The following DLG2 variants were observed in gnomAD, a reference collection of about 807,000 sequenced individuals.
DLG2 encodes disks large homolog 2.
In DLG2, 45 loss-of-function variants were observed where a neutral mutation model predicts 132.5. That is an observed-to-expected ratio of 0.34 (90% confidence interval 0.27 to 0.44). The LOEUF is 0.44. Ranked by LOEUF, DLG2 falls within the 20% of genes least tolerant of loss-of-function variation. The pLI is 1.00. For synonymous variants in DLG2, 424 were observed against 419.6 expected, an observed-to-expected ratio of 1.01 and a Z score of -0.13; for missense variants, 1,045 against 1,196.9, an observed-to-expected ratio of 0.87 and a Z score of 1.87.
At chr11:84,691,167 G>T (rs1386400272) in intron 6 of DLG2, among the ~76,000 whole-genome samples, 1 of 151,732 alleles carries the variant, frequency 6.6e-6, no homozygotes. Context: ...CCAGTTGAAA[G>T]TAATTTCTGC....
At chr11:85,066,930 G>C (rs2065016497) in intron 6 of DLG2, among the ~76,000 whole-genome samples, 1 of 151,718 alleles carries the variant, frequency 6.6e-6, no homozygotes, top group Non-Finnish European at 1.5e-5. Flanking sequence ...GTCCTAGTTA[G>C]AGCCATCAGG....
intron 7 of DLG2, among the ~76,000 whole-genome samples, chr11:84,454,664 C>T (rs539329395): frequency 1.3e-5 from 2 of 151,384 alleles, no homozygotes; most frequent in Non-Finnish European, 3.0e-5. Flanking sequence ...ATAAAAAGAA[C>T]CATATTATTT....
intron 11 of DLG2, among the ~76,000 whole-genome samples, chr11:84,028,974 A>G (rs2095617458): frequency 6.6e-6 from 1 of 152,140 alleles, no homozygotes; most frequent in Non-Finnish European, 1.5e-5. Flanking sequence ...CTGTTATATA[A>G]TAAGCTCTAA....
At chr11:85,188,081 G>T (rs189937751) in intron 4 of DLG2, among the ~76,000 whole-genome samples, 104 of 152,258 alleles carry the variant, frequency 6.8e-4, no homozygotes, top group Non-Finnish European at 1.3e-3. Flanking sequence ...CAAGCGCAGA[G>T]GAGACATGGG....
chr11:85,174,835 C>A (rs2079108978), intron 4 of DLG2, among the ~76,000 whole-genome samples: 1 of 152,098 alleles, frequency 6.6e-6, no homozygotes. Flanking sequence ...CTATAATAAA[C>A]ACCTCTATGC....
intron 6 of DLG2, among the ~76,000 whole-genome samples, chr11:84,751,064 A>T (rs1048955426): frequency 6.6e-6 from 1 of 152,162 alleles, no homozygotes; most frequent in African/African-American, 2.4e-5. Flanking sequence ...ATATTTAGGA[A>T]AAAGAAGACA....
At chr11:84,720,525 C>T (rs920938878) in intron 6 of DLG2, 41 of 980,536 alleles carry the variant, frequency 4.2e-5, no homozygotes, top group Non-Finnish European at 4.7e-5. Context: ...CGTGGCCATC[C>T]CGGAGCCCCG....
chr11:84,465,489 A>G (rs2099091783), intron 7 of DLG2, among the ~76,000 whole-genome samples: 1 of 151,184 alleles, frequency 6.6e-6, no homozygotes, highest in Non-Finnish European at 1.5e-5. Context: ...CCATAGAGAC[A>G]ATGATAGAGA....
chr11:84,486,687 AATGT>A (rs1241327134), intron 7 of DLG2, among the ~76,000 whole-genome samples: 1 of 152,162 alleles, frequency 6.6e-6, no homozygotes, highest in Admixed American at 6.6e-5. Flanking sequence ...TTCTTGGAGT[AATGT>A]ATGTATCAGC....
chr11:85,208,807 C>G (rs1387735901), intron 4 of DLG2, among the ~76,000 whole-genome samples: 1 of 152,024 alleles, frequency 6.6e-6, no homozygotes, highest in Non-Finnish European at 1.5e-5. Context: ...CAGCACACTC[C>G]CTCCTCAATG....
chr11:84,594,905 T>C (rs2099552687), intron 6 of DLG2, among the ~76,000 whole-genome samples: 1 of 152,188 alleles, frequency 6.6e-6, no homozygotes, highest in African/African-American at 2.4e-5. Flanking sequence ...GCAAACCTCC[T>C]ACCTCAGGAT....
intron 18 of DLG2, among the ~76,000 whole-genome samples, chr11:83,668,222 G>A (rs975000936): frequency 1.9e-4 from 29 of 152,028 alleles, no homozygotes; most frequent in Non-Finnish European, 5.9e-5. Flanking sequence ...GTAGAAACAA[G>A]GTAGAATGGA....
chr11:85,535,507 G>C (rs2075521039), intron 3 of DLG2, among the ~76,000 whole-genome samples: 1 of 152,146 alleles, frequency 6.6e-6, no homozygotes, highest in South Asian at 2.1e-4. Flanking sequence ...TAAATGTGGA[G>C]AAGGTAGAAC....
At chr11:85,336,867 A>C (rs2082170061) in intron 3 of DLG2, among the ~76,000 whole-genome samples, 1 of 152,008 alleles carries the variant, frequency 6.6e-6, no homozygotes, top group African/African-American at 2.4e-5. Flanking sequence ...CCATCAATCC[A>C]TTTTCTCACA....
intron 6 of DLG2, among the ~76,000 whole-genome samples, chr11:84,535,756 C>G (rs1003272102): frequency 6.6e-6 from 1 of 152,120 alleles, no homozygotes; most frequent in South Asian, 2.1e-4. Context: ...AGAAAGGGAA[C>G]CCTCTACATC....
chr11:83,608,381 A>C (rs1349665303), intron 19 of DLG2, among the ~76,000 whole-genome samples: 1 of 151,394 alleles, frequency 6.6e-6, no homozygotes, highest in Non-Finnish European at 1.5e-5. Flanking sequence ...ATTTTGAAAT[A>C]TGTACTTTAA....
intron 6 of DLG2, among the ~76,000 whole-genome samples, chr11:84,940,301 C>A (rs560137278): frequency 6.6e-6 from 1 of 152,152 alleles, no homozygotes; most frequent in African/African-American, 2.4e-5. Context: ...CAGGCATGTG[C>A]CACCACACCT....
intron 18 of DLG2, among the ~76,000 whole-genome samples, chr11:83,694,431 T>C (rs187694939): frequency 4.6e-5 from 7 of 152,268 alleles, no homozygotes; most frequent in Admixed American, 2.6e-4. Context: ...TTCACAGTCA[T>C]TCATGGACTC....
chr11:84,420,975 T>C (rs1424813533), intron 7 of DLG2, among the ~76,000 whole-genome samples: 1 of 151,998 alleles, frequency 6.6e-6, no homozygotes, highest in Admixed American at 6.6e-5. Flanking sequence ...GCCCCAATGC[T>C]TGTTTTCTGT....
Sources: gnomAD v4.1 joint callset for allele counts (sites outside exome capture counted in the v4.1 genomes callset) on GRCh38, gnomAD v4.1.1 for gene constraint, MANE v1.5 for transcripts, NCBI Gene and HGNC (gene_info 2026-07-23, HGNC 2026-07-21) for gene names.